C10orf71: variants seen among roughly 807,000 people sequenced by gnomAD.
C10orf71 encodes the protein cardiac-enriched FHL2-interacting protein.
For missense variants in C10orf71, 1,869 were observed against 1,804.5 expected (o/e 1.04, Z -0.65); for synonymous variants, 758 against 726.3 (o/e 1.04, Z -0.70).
intron 1 of C10orf71, among the ~76,000 whole-genome samples, chr10:49,310,765 C>T (rs1182286983): frequency 1.3e-5 from 2 of 149,338 alleles, no homozygotes; most frequent in African/African-American, 5.0e-5. Flanking sequence ...TGGTGAGACC[C>T]TCAGGTAGCC....
Position 49,323,344 on chromosome 10 carries a change from G to C in C10orf71, c.799G>C (p.Gly267Arg). ...CACGGGTGAGCCTGGGAGAGGCAAA[G>C]GTACCTTTCTGCACAGTGAAAATAG... is the stretch of plus-strand genomic sequence containing the variant. ...PVTGEPGRGK[G>R]TFLHSENSAF... The change falls in exon 3 of 3, where the codon GGT (glycine) becomes CGT (arginine). Residue 267 changes from glycine (G) to arginine (R), a missense_variant. Transcript: ENST00000374144. The C allele has an allele frequency of 6.2e-7, 1 of 1,613,878 alleles. No individual in the cohort carries two copies. The highest frequency in any genetic ancestry group is 8.5e-7 in the Non-Finnish European group (1 of 1,179,846).
chr10:49,326,483 C>T lies in C10orf71; in HGVS notation c.3938C>T (p.Pro1313Leu). 1 of 1,550,230 alleles carries T rather than the reference C, an allele frequency of 6.5e-7. No individual in the cohort carries two copies. Among genetic ancestry groups the T allele is most frequent in the Non-Finnish European group, 8.7e-7 (1 of 1,146,694 alleles). Reference sequence around the variant, plus strand: ...GGCAAGTATGTCAAGGTCTCCATCCCGTCCTCCGAGGGGGCCTCCCCAGAG... The same window carrying T: ...GGCAAGTATGTCAAGGTCTCCATCCTGTCCTCCGAGGGGGCCTCCCCAGAG... Reference protein sequence around the residue: ...ETGKYVKVSIPSSEGASPEPP... With the variant: ...ETGKYVKVSILSSEGASPEPP... Residue 1313 changes from proline to leucine, a missense_variant, in exon 3 of 3, where the codon CCG becomes CTG. Physicochemically the swap from Pro to Leu is moderately conservative, Grantham distance 98. Transcript: ENST00000374144.
Position 49,323,127 on chromosome 10 carries a change from A to G in C10orf71, c.582A>G (p.Thr194=). 1 of 1,613,996 alleles carries G rather than the reference A, an allele frequency of 6.2e-7. No individual in the cohort carries two copies. Among genetic ancestry groups the G allele is most frequent in the Non-Finnish European group, 8.5e-7 (1 of 1,179,898 alleles). The change falls in exon 3 of 3, where the codon ACA becomes ACG. Residue 194 remains threonine, a synonymous_variant. Coordinates refer to ENST00000374144, the MANE Select transcript of C10orf71 (RefSeq NM_001135196.2). ...VNFCFDSAFL[T]VRRVPAEVSN... ...TCTGCTTCGATTCTGCCTTTCTGAC[A>G]GTCAGGAGGGTGCCCGCTGAAGTTT... is the stretch of plus-strand genomic sequence containing the variant.
intron 2 of C10orf71, among the ~76,000 whole-genome samples, chr10:49,319,617 A>T (rs1849056873): frequency 7.6e-6 from 1 of 131,796 alleles, no homozygotes; most frequent in Non-Finnish European, 1.7e-5. Flanking sequence ...GAAACAACCC[A>T]AGTGTTCATC....
In C10orf71 at chr10:49,323,820, T is replaced by C; in HGVS notation, c.1275T>C (p.Asn425=). The change falls in exon 3 of 3, where the codon AAT becomes AAC. Residue 425 remains asparagine, a synonymous_variant. Coordinates refer to ENST00000374144, the MANE Select transcript of C10orf71 (RefSeq NM_001135196.2). ...CCCAGGAACAGTTTTCAGAAAACAA[T>C]GCTCTTGACCTGCCTGTGGAACCCA... ...HNPQEQFSEN[N]ALDLPVEPNE... is the part of the protein sequence containing the mutation. 1 of 1,613,790 alleles carries C rather than the reference T, an allele frequency of 6.2e-7. No individual in the cohort carries two copies. Among genetic ancestry groups the C allele is most frequent in the Non-Finnish European group, 8.5e-7 (1 of 1,179,874 alleles).
chr10:49,324,034 C>G lies in C10orf71; in HGVS notation c.1489C>G (p.Pro497Ala). ...QSRDSYKSKA[P>A]SLLFNLKDVR... ...TCGAGACAGCTACAAGTCCAAAGCCCCTAGCCTGCTGTTCAACCTCAAGGA... is the reference window on the plus strand; with the variant it reads ...TCGAGACAGCTACAAGTCCAAAGCCGCTAGCCTGCTGTTCAACCTCAAGGA... The change falls in exon 3 of 3, where the codon CCT (proline) becomes GCT (alanine). Residue 497 changes from proline (P) to alanine (A), a missense_variant. Transcript: ENST00000374144. 1 of 1,613,762 alleles carries G rather than the reference C, an allele frequency of 6.2e-7. No individual in the cohort carries two copies. Among genetic ancestry groups the G allele is most frequent in the Non-Finnish European group, 8.5e-7 (1 of 1,179,778 alleles).
chr10:49,325,265 C>T lies in C10orf71; in HGVS notation c.2720C>T (p.Ala907Val), dbSNP rs1048307566. ...PEWGEDPGFC[A>V]PENQDILGTS... is the part of the protein sequence containing the mutation. The stretch of plus-strand genomic sequence containing the variant: ...TGGGGTGAGGATCCTGGGTTTTGTG[C>T]CCCCGAAAACCAGGACATTCTTGGT... The change falls in exon 3 of 3, where the codon GCC becomes GTC. Residue 907 changes from alanine (A) to valine (V), a missense_variant. Physicochemically the swap from Ala to Val is moderately conservative, Grantham distance 64. Coordinates refer to ENST00000374144, the MANE Select transcript of C10orf71 (RefSeq NM_001135196.2). 6.4e-7 allele frequency: 1 copy of T among 1,551,710 alleles called. No homozygotes were observed.
chr10:49,324,397 G>C lies in C10orf71; in HGVS notation c.1852G>C (p.Glu618Gln). 2 of 1,613,010 alleles carry C rather than the reference G, an allele frequency of 1.2e-6. No individual in the cohort carries two copies. Among genetic ancestry groups the C allele is most frequent in the Non-Finnish European group, 1.7e-6 (2 of 1,179,458 alleles). Residue 618 changes from glutamate to glutamine, a missense_variant, in exon 3 of 3, where the codon GAG (glutamate) becomes CAG (glutamine). Coordinates refer to ENST00000374144, the MANE Select transcript of C10orf71 (RefSeq NM_001135196.2). Reference protein sequence around the residue: ...AAERSSYENKEVEGELEMGPA... With the variant: ...AAERSSYENKQVEGELEMGPA... ...TGAGAGAAGCAGTTATGAGAACAAG[G>C]AGGTGGAAGGAGAGTTGGAGATGGG...
chr10:49,305,840 T>A (rs781301111), intron 1 of C10orf71, among the ~76,000 whole-genome samples: 1 of 152,256 alleles, frequency 6.6e-6, no homozygotes, highest in African/African-American at 2.4e-5. Context: ...GAGTTTTTTT[T>A]AAATCACTAT....
chr10:49,310,961 C>T (rs1410864029), intron 1 of C10orf71, among the ~76,000 whole-genome samples: 3 of 152,160 alleles, frequency 2.0e-5, no homozygotes, highest in Non-Finnish European at 4.4e-5. Flanking sequence ...TTGAAATTCA[C>T]ATTTCACTCA....
chr10:49,321,668 A>G (rs1429176793), intron 2 of C10orf71, among the ~76,000 whole-genome samples: 4 of 152,178 alleles, frequency 2.6e-5, no homozygotes, highest in African/African-American at 9.7e-5. Flanking sequence ...ATTTCCACCA[A>G]CAGTGTACAG....
Position 49,325,723 on chromosome 10 carries a change from G to C in C10orf71, c.3178G>C (p.Gly1060Arg), listed in dbSNP as rs1435495685. Reference sequence around the variant, plus strand: ...TGAGAGGGCGAATTCCCCCAACCCCGGCTCCCCCGGGGAGAGCAGTGCCTG... The same window carrying C: ...TGAGAGGGCGAATTCCCCCAACCCCCGCTCCCCCGGGGAGAGCAGTGCCTG... Reference protein sequence around the residue: ...PSERANSPNPGSPGESSACSP... With the variant: ...PSERANSPNPRSPGESSACSP... Residue 1060 changes from glycine to arginine, a missense_variant, in exon 3 of 3, where the codon GGC becomes CGC. Coordinates refer to ENST00000374144, the MANE Select transcript of C10orf71 (RefSeq NM_001135196.2). 1.3e-5 allele frequency: 20 copies of C among 1,551,424 alleles called. No individual in the cohort carries two copies. Among genetic ancestry groups the C allele is most frequent in the Admixed American group, 3.9e-5 (2 of 50,972 alleles).
At position 49,324,335 on chromosome 10, in the gene C10orf71, TC is replaced by T; in HGVS notation, c.1791del (p.Ile597MetfsTer51). On this transcript the variant is annotated frameshift_variant, in exon 3 of 3. Transcript: ENST00000374144. LOFTEE classifies it low-confidence loss of function (END_TRUNC). Reference protein sequence around the residue: ...SYLTLSTAPTIAKAPFYVNGE... With the variant: ...SYLTLSTAPTXAKAPFYVNGE... ...CTAACTCTTAGCACAGCTCCGACTA[TC>T]GCCAAAGCCCCCTTCTATGTCAATG... 6.2e-7 allele frequency: 1 copy of T among 1,613,778 alleles called. No individual in the cohort carries two copies. The highest frequency in any genetic ancestry group is 8.5e-7 in the Non-Finnish European group (1 of 1,179,842).
In C10orf71 at chr10:49,323,507, C is replaced by A. The variant is rs1382949350; in HGVS notation, c.962C>A (p.Thr321Lys). The change falls in exon 3 of 3, where the codon ACA (threonine) becomes AAA (lysine). Residue 321 changes from threonine (T) to lysine (K), a missense_variant. By Grantham distance (78) the Thr-to-Lys change is moderately conservative. Transcript: ENST00000374144. The part of the protein sequence containing the change: ...LLREPCPPER[T>K]VSPCQVQASC... The stretch of plus-strand genomic sequence containing the variant: ...AGAGAACCCTGTCCTCCTGAGCGCA[C>A]AGTCTCTCCCTGCCAGGTCCAGGCC... 2 of 1,612,662 alleles carry A rather than the reference C, an allele frequency of 1.2e-6. No individual in the cohort carries two copies. The highest frequency in any genetic ancestry group is 3.3e-5 in the Admixed American group (2 of 59,978).
intron 2 of C10orf71, among the ~76,000 whole-genome samples, chr10:49,318,636 G>C (rs1191084085): frequency 6.6e-6 from 1 of 152,196 alleles, no homozygotes; most frequent in Admixed American, 6.5e-5. Flanking sequence ...CCAGAGTGTT[G>C]TGGTCAAGGG....
rs994013054 is a variant in C10orf71 at position 49,324,344 on chromosome 10, C to G, written c.1799C>G (p.Ala600Gly). 6 of 1,613,756 alleles carry G rather than the reference C, an allele frequency of 3.7e-6. No homozygotes were observed. The highest frequency in any genetic ancestry group is 1.7e-5 in the Admixed American group (1 of 59,974). The change falls in exon 3 of 3, where the codon GCC becomes GGC. Residue 600 changes from alanine to glycine, a missense_variant. Transcript: ENST00000374144. ...AGCACAGCTCCGACTATCGCCAAAG[C>G]CCCCTTCTATGTCAATGGGGAGGCT... Reference protein sequence around the residue: ...TLSTAPTIAKAPFYVNGEAAE... With the variant: ...TLSTAPTIAKGPFYVNGEAAE...
chr10:49,323,820 T>A lies in C10orf71; in HGVS notation c.1275T>A (p.Asn425Lys). 1 of 1,613,790 alleles carries A rather than the reference T, an allele frequency of 6.2e-7. No homozygotes were observed. The highest frequency in any genetic ancestry group is 8.5e-7 in the Non-Finnish European group (1 of 1,179,874). ...CCCAGGAACAGTTTTCAGAAAACAA[T>A]GCTCTTGACCTGCCTGTGGAACCCA... Reference protein sequence around the residue: ...HNPQEQFSENNALDLPVEPNE... With the variant: ...HNPQEQFSENKALDLPVEPNE... The change falls in exon 3 of 3, where the codon AAT (asparagine) becomes AAA (lysine). Residue 425 changes from asparagine (N) to lysine (K), a missense_variant. By Grantham distance (94) the Asn-to-Lys change is moderately conservative (BLOSUM62 0). Transcript: ENST00000374144.
chr10:49,298,813 G>C (rs1848676630), upstream of C10orf71: 1 of 152,216 alleles, frequency 6.6e-6, no homozygotes, highest in African/African-American at 2.4e-5. Context: ...CCTTACTCGA[G>C]GAATGCGGGC....
Position 49,326,432 on chromosome 10 carries a change from T to C in C10orf71, c.3887T>C (p.Ile1296Thr). Residue 1296 changes from isoleucine to threonine, a missense_variant, in exon 3 of 3, where the codon ATC (isoleucine) becomes ACC (threonine). Transcript: ENST00000374144. ...FVFDLPLQVK[I>T]KTFYDPETGK... Reference sequence around the variant, plus strand: ...TTCGACTTGCCACTCCAGGTGAAAATCAAGACCTTCTATGACCCAGAGACG... The same window carrying C: ...TTCGACTTGCCACTCCAGGTGAAAACCAAGACCTTCTATGACCCAGAGACG... 1 of 1,550,292 alleles carries C rather than the reference T, an allele frequency of 6.5e-7. No individual in the cohort carries two copies. Among genetic ancestry groups the C allele is most frequent in the Non-Finnish European group, 8.7e-7 (1 of 1,146,830 alleles).
Sources: allele counts gnomAD v4.1 joint callset (sites outside exome capture counted in the v4.1 genomes callset), GRCh38; gene constraint gnomAD v4.1.1; transcripts MANE v1.5; gene names NCBI Gene and HGNC (gene_info 2026-07-23, HGNC 2026-07-21).